MYO5B: variants seen among roughly 807,000 people sequenced by gnomAD.
MYO5B encodes myosin VB.
MYO5B carries 143 observed loss-of-function variants against 229.3 expected under a neutral mutation model. The observed-to-expected ratio is 0.62, with a 90% CI of 0.54 to 0.72. The LOEUF is 0.72. MYO5B is among the 30% of genes least tolerant of loss of function. MYO5B has a pLI of 0.00. For missense variants in MYO5B, 2,321 were observed against 2,331.0 expected (o/e 1.00, Z 0.09); for synonymous variants, 918 against 885.2 (o/e 1.04, Z -0.66).
intron 2 of MYO5B, among the ~76,000 whole-genome samples, chr18:50,045,065 T>C (rs1187131700): frequency 1.3e-5 from 2 of 152,216 alleles, no homozygotes; most frequent in Non-Finnish European, 2.9e-5. Context: ...ATTTCTGTTC[T>C]TGTCCTTGTG....
intron 33 of MYO5B, among the ~76,000 whole-genome samples, chr18:49,845,055 G>A (rs2024108281): frequency 6.6e-6 from 1 of 152,158 alleles, no homozygotes; most frequent in Admixed American, 6.5e-5. Flanking sequence ...GGGGCCACCT[G>A]AGCAAGGGTC....
intron 2 of MYO5B, among the ~76,000 whole-genome samples, chr18:50,049,991 T>G (rs1003680033): frequency 4.6e-5 from 7 of 152,226 alleles, no homozygotes; most frequent in Non-Finnish European, 8.8e-5. Context: ...CCACAATTTT[T>G]TTTTACACTT....
At chr18:49,871,343 A>G (rs1028941009) in intron 27 of MYO5B, among the ~76,000 whole-genome samples, 1 of 152,310 alleles carries the variant, frequency 6.6e-6, no homozygotes, top group East Asian at 1.9e-4. Flanking sequence ...AGTTATGGAG[A>G]TAAGTGCTGG....
At chr18:50,070,770 T>C (rs1191362130) in intron 1 of MYO5B, among the ~76,000 whole-genome samples, 3 of 151,894 alleles carry the variant, frequency 2.0e-5, no homozygotes, top group Admixed American at 6.6e-5. Context: ...CACATCCCCA[T>C]CCTACCTGCA....
intron 1 of MYO5B, among the ~76,000 whole-genome samples, chr18:50,091,317 G>A (rs1412277027): frequency 6.6e-6 from 1 of 152,196 alleles, no homozygotes; most frequent in Non-Finnish European, 1.5e-5. Flanking sequence ...CAGACTGACA[G>A]AAGCTTTCTC....
chr18:50,055,432 T>A, intron 1 of MYO5B, 54 bp from the exon 2 acceptor site: 1 of 1,451,206 alleles, frequency 6.9e-7, no homozygotes, highest in Non-Finnish European at 9.7e-7. Context: ...CTCAGATTTC[T>A]AAATGTGTGT....
chr18:50,155,768 C>T (rs1253821021), intron 1 of MYO5B, among the ~76,000 whole-genome samples: 4 of 152,200 alleles, frequency 2.6e-5, no homozygotes, highest in African/African-American at 9.7e-5. Flanking sequence ...TTAGTGAGAA[C>T]TAGGAATTTC....
chr18:49,864,110 G>C (rs2024365123), intron 28 of MYO5B, 31 bp downstream of exon 28: 1 of 1,602,580 alleles, frequency 6.2e-7, no homozygotes, highest in African/African-American at 1.3e-5. Context: ...TCACCCCTCG[G>C]CAGCCCCACC....
chr18:49,978,797 C>A (rs1047813645), intron 9 of MYO5B, among the ~76,000 whole-genome samples: 2 of 151,368 alleles, frequency 1.3e-5, no homozygotes, highest in African/African-American at 4.9e-5. Flanking sequence ...GAAGAAGTGA[C>A]CTGTGAAGGG....
At chr18:50,030,672 G>C (rs1237843220) in intron 4 of MYO5B, among the ~76,000 whole-genome samples, 1 of 151,644 alleles carries the variant, frequency 6.6e-6, no homozygotes, top group Non-Finnish European at 1.5e-5. Flanking sequence ...CTCTAGCAAG[G>C]GTGCATTTCA....
chr18:50,150,167 A>C (rs1194791408), intron 1 of MYO5B, among the ~76,000 whole-genome samples: 2 of 136,678 alleles, frequency 1.5e-5, no homozygotes, highest in Non-Finnish European at 1.6e-5. Context: ...GGCAATCATT[A>C]AAAAGTCAGG....
At chr18:50,176,690 C>G (rs1207220028) in intron 1 of MYO5B, among the ~76,000 whole-genome samples, 1 of 152,188 alleles carries the variant, frequency 6.6e-6, no homozygotes, top group Non-Finnish European at 1.5e-5. Flanking sequence ...ATTCAAAAGT[C>G]TTTCTTTTTG....
intron 2 of MYO5B, among the ~76,000 whole-genome samples, chr18:50,041,388 T>C (rs1433322671): frequency 6.6e-6 from 1 of 152,122 alleles, no homozygotes; most frequent in Non-Finnish European, 1.5e-5. Context: ...TCTCACCCCA[T>C]CTTTAGAGGG....
intron 1 of MYO5B, among the ~76,000 whole-genome samples, chr18:50,104,287 T>TAC (rs1000372394): frequency 6.9e-6 from 1 of 144,824 alleles, no homozygotes; most frequent in Non-Finnish European, 1.5e-5. Context: ...TATATATATA[T>TAC]ATATCTCATA....
intron 1 of MYO5B, among the ~76,000 whole-genome samples, chr18:50,189,688 T>C (rs1229115118): frequency 6.6e-6 from 1 of 152,132 alleles, no homozygotes; most frequent in East Asian, 1.9e-4. Flanking sequence ...TCACCACTTT[T>C]TGGAAAAAAG....
intron 4 of MYO5B, among the ~76,000 whole-genome samples, chr18:50,028,995 A>T (rs899454983): frequency 3.2e-4 from 49 of 152,234 alleles, no homozygotes; most frequent in African/African-American, 1.1e-3. Context: ...TCCTAAATGC[A>T]TAATTTTAAA....
At chr18:49,827,062 C>T (rs954226957) in intron 39 of MYO5B, among the ~76,000 whole-genome samples, 2 of 152,074 alleles carry the variant, frequency 1.3e-5, no homozygotes, top group East Asian at 1.9e-4. Context: ...AAGAGTACAT[C>T]ACATAAAATG....
chr18:49,876,610 T>G (rs551666069), intron 25 of MYO5B, among the ~76,000 whole-genome samples: 1 of 152,294 alleles, frequency 6.6e-6, no homozygotes, highest in African/African-American at 2.4e-5. Context: ...ATAAAACCAG[T>G]GATGACAATG....
chr18:50,079,980 A>G (rs557772418), intron 1 of MYO5B, among the ~76,000 whole-genome samples: 2 of 152,274 alleles, frequency 1.3e-5, no homozygotes, highest in East Asian at 3.9e-4. Context: ...TACCAGTGTC[A>G]TTTTCACAAT....
Sources: allele counts gnomAD v4.1 joint callset (sites outside exome capture counted in the v4.1 genomes callset), GRCh38; gene constraint gnomAD v4.1.1; transcripts MANE v1.5; gene names NCBI Gene and HGNC (gene_info 2026-07-23, HGNC 2026-07-21).